Variants in KCNIP4 observed in about 807,000 individuals in gnomAD.
KCNIP4 encodes the protein potassium voltage-gated channel interacting protein 4, also known as Kv channel-interacting protein 4.
Under a neutral mutation model 34.0 loss-of-function variants are expected in KCNIP4, and 12 were observed. That is an observed-to-expected ratio of 0.35 (90% CI 0.23 to 0.57). The LOEUF is 0.57. Among genes scored for constraint, KCNIP4 ranks in the 20% least tolerant of loss-of-function variants. KCNIP4 has a pLI of 0.83. For synonymous variants in KCNIP4, 124 were observed against 102.2 expected, an observed-to-expected ratio of 1.21 and a Z score of -1.29; for missense variants, 238 against 311.7, an observed-to-expected ratio of 0.76 and a Z score of 1.78.
intron 1 of KCNIP4, among the ~76,000 whole-genome samples, chr4:21,374,502 T>C (rs1309357701): frequency 6.8e-6 from 1 of 147,166 alleles, no homozygotes; most frequent in Non-Finnish European, 1.5e-5. Context: ...ATGGGAATTA[T>C]GGGAGCTACA....
chr4:21,303,018 A>C (rs1578048435), intron 1 of KCNIP4, among the ~76,000 whole-genome samples: 1 of 152,344 alleles, frequency 6.6e-6, no homozygotes, highest in South Asian at 2.1e-4. Flanking sequence ...GCTGTATGCA[A>C]ACACACTCTC....
chr4:21,358,568 G>A (rs757878792), intron 1 of KCNIP4, among the ~76,000 whole-genome samples: 1 of 152,130 alleles, frequency 6.6e-6, no homozygotes, highest in South Asian at 2.1e-4. Context: ...GCTTGACTGA[G>A]CCATAGGGTG....
chr4:21,679,331 T>C (rs1164254683), intron 1 of KCNIP4, among the ~76,000 whole-genome samples: 1 of 152,232 alleles, frequency 6.6e-6, no homozygotes, highest in Non-Finnish European at 1.5e-5. Flanking sequence ...GACTCCCCAC[T>C]ACATGAGGCT....
At chr4:21,413,331 TCCCTAGCCC>T in intron 1 of KCNIP4, among the ~76,000 whole-genome samples, 1 of 152,278 alleles carries the variant, frequency 6.6e-6, no homozygotes, top group East Asian at 1.9e-4. Flanking sequence ...GGAACTTTGA[TCCCTAGCCC>T]TGAAGTCTGC....
chr4:21,417,549 A>G (rs937645802), intron 1 of KCNIP4, among the ~76,000 whole-genome samples: 2 of 152,150 alleles, frequency 1.3e-5, no homozygotes, highest in South Asian at 2.1e-4. Context: ...TTCTATTTTC[A>G]GAAAGGGTCA....
intron 1 of KCNIP4, among the ~76,000 whole-genome samples, chr4:21,301,122 C>A (rs1341163460): frequency 2.6e-5 from 4 of 152,104 alleles, no homozygotes; most frequent in African/African-American, 9.7e-5. Flanking sequence ...TAGATCAGAA[C>A]AGGACCCAAG....
At chr4:21,357,342 T>C (rs1440031135) in intron 1 of KCNIP4, among the ~76,000 whole-genome samples, 2 of 152,132 alleles carry the variant, frequency 1.3e-5, no homozygotes, top group Non-Finnish European at 2.9e-5. Context: ...AAAGAGCTTC[T>C]GCACAGAAAA....
intron 1 of KCNIP4, among the ~76,000 whole-genome samples, chr4:21,095,571 C>T (rs1468665829): frequency 1.3e-5 from 2 of 152,026 alleles, no homozygotes; most frequent in Non-Finnish European, 2.9e-5. Context: ...AATAATTAGA[C>T]TCGTTTTGCA....
At chr4:20,859,826 T>C (rs1052283082) in intron 2 of KCNIP4, among the ~76,000 whole-genome samples, 2 of 152,288 alleles carry the variant, frequency 1.3e-5, no homozygotes, top group East Asian at 3.9e-4. Context: ...TCCTACCTTT[T>C]GACGACATGC....
At chr4:21,902,863 C>A (rs1727785938) in intron 1 of KCNIP4, among the ~76,000 whole-genome samples, 1 of 152,108 alleles carries the variant, frequency 6.6e-6, no homozygotes, top group African/African-American at 2.4e-5. Context: ...TATAGGAAGC[C>A]ACCGTATTTT....
At position 20,921,277 on chromosome 4, in the gene KCNIP4, G is replaced by A. The variant is rs373744676; in HGVS notation, c.62-38568C>T. On this transcript the variant is annotated intron_variant, in intron 1 of 8. Transcript: ENST00000382152. ...TATAGGGCTGATGAGGATGCAGTGA[G>A]AGCGTGGAGGATGAGATGTAGGTTA... 1.7e-4 allele frequency among the ~76,000 whole-genome samples: 26 copies of A among 152,300 alleles called. No individual in the cohort carries two copies. In the South Asian group the frequency reaches 3.3e-3, roughly 19 times the overall value.
At chr4:21,247,820 T>TAC (rs1553845733) in intron 1 of KCNIP4, among the ~76,000 whole-genome samples, 6,486 of 100,902 alleles carry the variant, frequency 0.064, 1,120 homozygotes, top group African/African-American at 0.27. Context: ...TATATATATA[T>TAC]ACACACACAC....
intron 1 of KCNIP4, among the ~76,000 whole-genome samples, chr4:21,042,757 C>A (rs1742077280): frequency 6.6e-6 from 1 of 152,110 alleles, no homozygotes; most frequent in Non-Finnish European, 1.5e-5. Flanking sequence ...GCACTACTTA[C>A]ACGTTTTGAA....
intron 1 of KCNIP4, among the ~76,000 whole-genome samples, chr4:21,527,617 T>C (rs1415540733): frequency 1.3e-5 from 2 of 152,170 alleles, no homozygotes; most frequent in Non-Finnish European, 2.9e-5. Flanking sequence ...ATAATAGGTG[T>C]TCAAAAATTG....
At chr4:21,282,439 C>T (rs1762833961) in intron 1 of KCNIP4, among the ~76,000 whole-genome samples, 1 of 147,974 alleles carries the variant, frequency 6.8e-6, no homozygotes, top group Admixed American at 6.8e-5. Flanking sequence ...GTGTTAAAGA[C>T]TGGCACCAAA....
rs145683658 is a variant in KCNIP4 at position 20,738,016 on chromosome 4, C to T, written c.430-3281G>A. 1.1e-3 allele frequency among the ~76,000 whole-genome samples: 166 copies of T among 152,018 alleles called. 1 individual carries two copies. The highest frequency in any genetic ancestry group is 3.9e-3 in the African/African-American group (160 of 41,454). On this transcript the variant is annotated intron_variant, in intron 5 of 8. Coordinates refer to ENST00000382152, the MANE Select transcript of KCNIP4 (RefSeq NM_025221.6). Reference sequence around the variant, plus strand: ...GTATGGTGGTGCACACCTGTTGTCCCAGCTACCTGGGAGGCTGAGATGGGA... The same window carrying T: ...GTATGGTGGTGCACACCTGTTGTCCTAGCTACCTGGGAGGCTGAGATGGGA...
intron 1 of KCNIP4, among the ~76,000 whole-genome samples, chr4:21,149,163 G>A: frequency 6.6e-6 from 1 of 152,260 alleles, no homozygotes. Flanking sequence ...CAAAGACTTT[G>A]GCTGTGAATT....
Position 21,651,246 on chromosome 4 carries a change from AC to A in KCNIP4, c.61+297324del, listed in dbSNP as rs1405287609. 7.2e-5 allele frequency among the ~76,000 whole-genome samples: 11 copies of A among 152,310 alleles called. No homozygotes were observed. In the East Asian group the frequency reaches 2.1e-3, roughly 29 times the overall value. On this transcript the variant is annotated intron_variant, in intron 1 of 8. Coordinates refer to ENST00000382152, the MANE Select transcript of KCNIP4 (RefSeq NM_025221.6). The stretch of plus-strand genomic sequence containing the variant: ...TGGGGCTTATTTTATAATTCTGTCT[AC>A]CACATAATTCTTGAAGGGAGTATCA...
chr4:21,176,003 A>T (rs1754380521), intron 1 of KCNIP4, among the ~76,000 whole-genome samples: 1 of 152,010 alleles, frequency 6.6e-6, no homozygotes, highest in South Asian at 2.1e-4. Flanking sequence ...CATTGCAATA[A>T]TCTTGACCTC....
Sources: allele counts gnomAD v4.1 joint callset (sites outside exome capture counted in the v4.1 genomes callset), GRCh38; gene constraint gnomAD v4.1.1; transcripts MANE v1.5; gene names NCBI Gene and HGNC (gene_info 2026-07-23, HGNC 2026-07-21).